The following HDAC4 variants were observed in gnomAD, a reference collection of about 807,000 sequenced individuals.
HDAC4 encodes histone deacetylase A.
A neutral mutation model predicts 135.1 loss-of-function variants in HDAC4; 16 were observed. The ratio of observed to expected loss-of-function variants is 0.12; its 90% CI spans 0.08 to 0.18. The LOEUF (loss-of-function observed/expected upper bound fraction) is 0.18. HDAC4 is among the 10% of genes least tolerant of loss of function. HDAC4 has a pLI of 1.00. For synonymous variants in HDAC4, 685 were observed against 653.4 expected, an observed-to-expected ratio of 1.05 and a Z score of -0.74; for missense variants, 1,143 against 1,511.8, an observed-to-expected ratio of 0.76 and a Z score of 4.05.
chr2:239,120,768 G>A (rs1186682813), intron 12 of HDAC4, among the ~76,000 whole-genome samples: 6 of 151,754 alleles, frequency 4.0e-5, no homozygotes, highest in African/African-American at 1.5e-4. Flanking sequence ...AGTGATGGAG[G>A]GCAGCAACCC....
At chr2:239,161,686 A>G (rs928575761) in intron 6 of HDAC4, 5 of 303,104 alleles carry the variant, frequency 1.6e-5, no homozygotes, top group South Asian at 1.4e-4. Flanking sequence ...GAGAAGAAGT[A>G]CCTCCGGCCC....
rs146674790 is a variant in HDAC4 at position 239,294,768 on chromosome 2, A to G, written c.22+57910T>C. On this transcript the variant is annotated intron_variant, in intron 2 of 26. Transcript: ENST00000543185. ...ACCCAGGCCAGGAGCTCAGCGTCTC[A>G]GCTTCCTCATCTGTAAAATGGGGCG... 5.3e-4 allele frequency among the ~76,000 whole-genome samples: 81 copies of G among 152,276 alleles called. 1 individual carries two copies. The Middle Eastern group carries it at 0.01, about 19-fold the overall frequency.
At chr2:239,055,068 TAGC>T (rs1426768921) in intron 24 of HDAC4, 2 of 447,334 alleles carry the variant, frequency 4.5e-6, no homozygotes, top group East Asian at 4.4e-5. Context: ...TTCCTACAAG[TAGC>T]AGGAAGAAAG....
At chr2:239,189,254 T>C (rs912922567) in intron 4 of HDAC4, among the ~76,000 whole-genome samples, 4 of 152,254 alleles carry the variant, frequency 2.6e-5, no homozygotes, top group Non-Finnish European at 4.4e-5. Flanking sequence ...GCCTGCCAAC[T>C]ATATAACTTT....
intron 12 of HDAC4, among the ~76,000 whole-genome samples, chr2:239,123,401 G>A (rs947163286): frequency 6.6e-6 from 1 of 152,134 alleles, no homozygotes; most frequent in African/African-American, 2.4e-5. Context: ...GGCATGTGGG[G>A]TGGGGGTGGT....
intron 2 of HDAC4, among the ~76,000 whole-genome samples, chr2:239,238,676 A>G (rs1201807072): frequency 2.8e-4 from 42 of 152,240 alleles, no homozygotes; most frequent in Admixed American, 2.7e-3. Context: ...CTTATGCCTG[A>G]GCCCAAAAGG....
intron 2 of HDAC4, among the ~76,000 whole-genome samples, chr2:239,348,719 C>G (rs1367780447): frequency 1.3e-5 from 2 of 152,216 alleles, no homozygotes; most frequent in Non-Finnish European, 2.9e-5. Context: ...GAGGGCTGGC[C>G]GGGCAAGGGG....
chr2:239,360,843 G>T (rs1575748944), intron 1 of HDAC4, among the ~76,000 whole-genome samples: 1 of 152,328 alleles, frequency 6.6e-6, no homozygotes, highest in East Asian at 1.9e-4. Flanking sequence ...CCCCATAGAA[G>T]TACTGGGTTG....
chr2:239,232,296 T>C (rs1299094959), intron 3 of HDAC4, among the ~76,000 whole-genome samples: 1 of 152,266 alleles, frequency 6.6e-6, no homozygotes, highest in Non-Finnish European at 1.5e-5. Context: ...TTGGGCATAG[T>C]TGGGTTTATA....
intron 2 of HDAC4, among the ~76,000 whole-genome samples, chr2:239,341,970 A>C (rs114692036): frequency 2.0e-5 from 3 of 152,200 alleles, no homozygotes; most frequent in African/African-American, 7.2e-5. Flanking sequence ...CACCCCTTCC[A>C]ACAGGTGAGG....
Position 239,134,554 on chromosome 2 carries a change from C to T in HDAC4, c.1068G>A (p.Leu356=), listed in dbSNP as rs1255713713. 1 of 1,614,112 alleles carries T rather than the reference C, an allele frequency of 6.2e-7. No individual in the cohort carries two copies. Residue 356 remains leucine, a synonymous_variant, in exon 10 of 27, where the codon CTG becomes CTA. Transcript: ENST00000543185. ...YTSPSLPNIT[L]GLPATGPSAG... is the part of the protein sequence containing the mutation. ...CAGAGGGGCCGGTGGCAGGCAGGCC[C>T]AGCGTGATGTTGGGCAAGGATGGCG... is the stretch of plus-strand genomic sequence containing the variant.
intron 3 of HDAC4, among the ~76,000 whole-genome samples, chr2:239,215,884 G>A (rs1403831148): frequency 6.6e-6 from 1 of 152,106 alleles, no homozygotes; most frequent in Non-Finnish European, 1.5e-5. Context: ...CAACCTCTCT[G>A]GAAGGCAATT....
intron 16 of HDAC4, among the ~76,000 whole-genome samples, chr2:239,096,157 G>C (rs2037007267): frequency 6.6e-6 from 1 of 152,134 alleles, no homozygotes. Flanking sequence ...GGGCCTGTCT[G>C]CCTCTTGCCT....
At chr2:239,261,091 A>G (rs1477425687) in intron 2 of HDAC4, among the ~76,000 whole-genome samples, 3 of 152,184 alleles carry the variant, frequency 2.0e-5, no homozygotes, top group Non-Finnish European at 4.4e-5. Context: ...GTTTCTGTAG[A>G]GACAGGATCT....
intron 5 of HDAC4, among the ~76,000 whole-genome samples, chr2:239,164,884 C>A (rs7599555): frequency 6.6e-6 from 1 of 152,106 alleles, no homozygotes; most frequent in Admixed American, 6.5e-5. Flanking sequence ...AACAAACTTA[C>A]TATTCTAACC....
In HDAC4 at chr2:239,303,592, C is replaced by T. The variant is rs1457045280; in HGVS notation, c.22+49086G>A. On this transcript the variant is annotated intron_variant, in intron 2 of 26. Transcript: ENST00000543185. The surrounding 1 kb of genome is among the most constrained non-coding windows in gnomAD (Gnocchi z 5.1). Reference sequence around the variant, plus strand: ...GTTGTCAGCTTTCTCTGTTTTCTTTCTTTCTTTTTTTTTTTTAATTCACAA... The same window carrying T: ...GTTGTCAGCTTTCTCTGTTTTCTTTTTTTCTTTTTTTTTTTTAATTCACAA... 6.6e-6 allele frequency among the ~76,000 whole-genome samples: 1 copy of T among 151,992 alleles called. No homozygotes were observed. Among genetic ancestry groups the T allele is most frequent in the East Asian group, 1.9e-4 (1 of 5,180 alleles).
At chr2:239,284,231 C>T (rs115060258) in intron 2 of HDAC4, among the ~76,000 whole-genome samples, 5,538 of 152,320 alleles carry the variant, frequency 0.036, 128 homozygotes, top group East Asian at 0.081. Context: ...TACAGGGAGC[C>T]GACCACAGCG....
At chr2:239,077,932 T>C (rs2034927243) in intron 22 of HDAC4, among the ~76,000 whole-genome samples, 1 of 152,374 alleles carries the variant, frequency 6.6e-6, no homozygotes, top group East Asian at 1.9e-4. Flanking sequence ...TCAAGGCTAA[T>C]GCCAATTCGT....
intron 7 of HDAC4, among the ~76,000 whole-genome samples, chr2:239,156,060 C>T (rs1013795360): frequency 1.3e-5 from 2 of 152,248 alleles, no homozygotes; most frequent in Admixed American, 1.3e-4. Context: ...GCTGCAGCCG[C>T]CTCTCCCTGC....
Sources: gnomAD v4.1 joint callset for allele counts (sites outside exome capture counted in the v4.1 genomes callset) on GRCh38, gnomAD v4.1.1 for gene constraint, Gnocchi (gnomAD v3.1) non-coding constraint, MANE v1.5 for transcripts, NCBI Gene and HGNC (gene_info 2026-07-23, HGNC 2026-07-21) for gene names.